The following GLRA2 variants were observed in gnomAD, a reference collection of about 807,000 sequenced individuals.
GLRA2 encodes glycine receptor alpha 2.
In GLRA2, 11 loss-of-function variants were observed where a neutral mutation model predicts 31.6. The observed-to-expected ratio is 0.35, with a 90% CI of 0.22 to 0.58. GLRA2 has a LOEUF of 0.58. Ranked by LOEUF, GLRA2 falls within the 20% of genes least tolerant of loss-of-function variation. The probability of loss-of-function intolerance (pLI) is 0.84; values close to 1 mark genes in which losing one functional copy is unlikely to be tolerated. For synonymous variants in GLRA2, 132 were observed against 134.0 expected (o/e 0.99, Z 0.10); for missense variants, 212 against 351.8 (o/e 0.60, Z 3.18).
chrX:14,544,064 A>G (rs2089444256), intron 2 of GLRA2, among the ~76,000 whole-genome samples: 1 of 111,858 alleles, frequency 8.9e-6, no homozygotes, highest in Admixed American at 9.5e-5. Context: ...AGGGCCCAGC[A>G]TTCAGTAAAT....
the GLRA2 span, among the ~76,000 whole-genome samples, chrX:14,464,529 C>A: frequency 9.1e-6 from 1 of 110,329 alleles, no homozygotes; most frequent in African/African-American, 3.3e-5. Flanking sequence ...TATTCTGTTT[C>A]ATGGGTCTAT....
At position 14,611,287 on chromosome X, in the gene GLRA2, C is replaced by T. The variant is rs1233136976; in HGVS notation, c.930+2082C>T. ...TACTTCAGGGCCTCCTACAATGCCC[C>T]GTACAGAGTACACATGCACATTACA... is the stretch of plus-strand genomic sequence containing the variant. On this transcript the variant is annotated intron_variant, in intron 7 of 8. Transcript: ENST00000218075. Among the ~76,000 whole-genome samples, 4 of 112,903 alleles carry T rather than the reference C, an allele frequency of 3.5e-5. No homozygotes were observed. The South Asian group carries it at 1.1e-3, about 30-fold the overall frequency.
the GLRA2 span, among the ~76,000 whole-genome samples, chrX:14,501,440 T>C: frequency 9.0e-6 from 1 of 111,466 alleles, no homozygotes; most frequent in Admixed American, 9.6e-5. Flanking sequence ...ACTGGATCGT[T>C]TGGCTTATGT....
At chrX:14,514,964 A>G in the GLRA2 span, among the ~76,000 whole-genome samples, 18 of 111,233 alleles carry the variant, frequency 1.6e-4, no homozygotes, top group South Asian at 1.1e-3. Context: ...TTCTATGTTT[A>G]CCACTTTTTT....
chrX:14,626,648 G>C (rs2090591745), intron 7 of GLRA2, among the ~76,000 whole-genome samples: 1 of 111,668 alleles, frequency 9.0e-6, no homozygotes, highest in South Asian at 3.7e-4. Flanking sequence ...GTGAGATTAT[G>C]TTAAGAGCCC....
chrX:14,642,607 TTACAA>T (rs1192802188), intron 7 of GLRA2, among the ~76,000 whole-genome samples: 2 of 111,491 alleles, frequency 1.8e-5, no homozygotes, highest in Non-Finnish European at 3.8e-5. Context: ...TTTTTTTTTT[TTACAA>T]TACATCATGT....
intron 2 of GLRA2, among the ~76,000 whole-genome samples, chrX:14,565,484 A>ATT (rs2089792456): frequency 9.5e-6 from 1 of 105,795 alleles, no homozygotes; most frequent in Non-Finnish European, 1.9e-5. Context: ...TTCTCTCATC[A>ATT]TTTTGGTCAA....
At chrX:14,594,926 C>T (rs1434576893) in intron 4 of GLRA2, among the ~76,000 whole-genome samples, 1 of 88,920 alleles carries the variant, frequency 1.1e-5, no homozygotes, top group Non-Finnish European at 2.2e-5. Flanking sequence ...TCCTCTACAT[C>T]CCAAGGTCAA....
rs2089258626 is a variant in GLRA2, at chrX:14,531,758, A to G, written c.69-481A>G. On this transcript the variant is annotated intron_variant, in intron 1 of 8. Transcript: ENST00000218075. Reference sequence around the variant, plus strand: ...GTTGGATTAGAACTAGCAGATGGGAAAAATAAGCAATGAAATAATAAGTTT... The same window carrying G: ...GTTGGATTAGAACTAGCAGATGGGAGAAATAAGCAATGAAATAATAAGTTT... Among the ~76,000 whole-genome samples the G allele has an allele frequency of 3.6e-5, 4 of 111,495 alleles. No homozygotes were observed. The Admixed American group carries it at 3.8e-4, about 11-fold the overall frequency.
chrX:14,654,178 T>C (rs2090917906), intron 7 of GLRA2, among the ~76,000 whole-genome samples: 1 of 111,091 alleles, frequency 9.0e-6, no homozygotes, highest in Non-Finnish European at 1.9e-5. Context: ...TCACCCAACC[T>C]TCAGCAACCA....
chrX:14,469,184 T>C, the GLRA2 span, among the ~76,000 whole-genome samples: 5 of 111,648 alleles, frequency 4.5e-5, no homozygotes, highest in African/African-American at 1.6e-4. Flanking sequence ...ATCCCATTTG[T>C]CAATTTTGGC....
intron 2 of GLRA2, 134 bp from the exon 3 acceptor site, chrX:14,574,199 C>A: frequency 2.1e-6 from 1 of 481,223 alleles, no homozygotes; most frequent in Non-Finnish European, 3.7e-6. Flanking sequence ...TTATGCACCT[C>A]AGGGTAAAAC....
chrX:14,569,853 T>C (rs2089860251), intron 2 of GLRA2, among the ~76,000 whole-genome samples: 1 of 112,600 alleles, frequency 8.9e-6, no homozygotes, highest in African/African-American at 3.2e-5. Context: ...GAGAACAATC[T>C]GAAGTGTTCA....
At chrX:14,605,195 C>T (rs1425717911) in intron 5 of GLRA2, among the ~76,000 whole-genome samples, 3 of 111,280 alleles carry the variant, frequency 2.7e-5, no homozygotes, top group African/African-American at 9.8e-5. Flanking sequence ...CCTACATGGA[C>T]GTTAGGAGAT....
the GLRA2 span, among the ~76,000 whole-genome samples, chrX:14,460,172 C>T: frequency 3.6e-5 from 4 of 111,575 alleles, no homozygotes; most frequent in African/African-American, 6.5e-5. Flanking sequence ...TGATGGATTA[C>T]GTTTTTGATT....
the GLRA2 span, among the ~76,000 whole-genome samples, chrX:14,472,296 T>G: frequency 1.8e-5 from 2 of 112,415 alleles, no homozygotes; most frequent in Admixed American, 1.9e-4. Flanking sequence ...GCTTCCAGAT[T>G]CTTTTCAAGA....
chrX:14,560,207 C>G (rs974255203), intron 2 of GLRA2, among the ~76,000 whole-genome samples: 1 of 112,525 alleles, frequency 8.9e-6, no homozygotes, highest in Non-Finnish European at 1.9e-5. Flanking sequence ...ATTTCATATT[C>G]TATTCCCATC....
the GLRA2 span, among the ~76,000 whole-genome samples, chrX:14,485,407 T>C: frequency 8.9e-6 from 1 of 112,322 alleles, no homozygotes; most frequent in South Asian, 3.7e-4. Context: ...TATATGTATT[T>C]TGTTTATACT....
chrX:14,588,940 T>C (rs1225074018), intron 4 of GLRA2, among the ~76,000 whole-genome samples: 1 of 112,356 alleles, frequency 8.9e-6, no homozygotes, highest in Non-Finnish European at 1.9e-5. Flanking sequence ...GTCCTAAAAT[T>C]GTACTAAAGT....
Sources: allele counts gnomAD v4.1 joint callset (sites outside exome capture counted in the v4.1 genomes callset), GRCh38; gene constraint gnomAD v4.1.1; transcripts MANE v1.5; gene names NCBI Gene and HGNC (gene_info 2026-07-23, HGNC 2026-07-21).